Variants in GPAT4 observed in about 807,000 individuals in gnomAD.
The protein encoded by GPAT4 is 1-AGP acyltransferase 6.
A neutral mutation model predicts 58.0 loss-of-function variants in GPAT4; 17 were observed. The ratio of observed to expected loss-of-function variants is 0.29; its 90% CI spans 0.20 to 0.44. The LOEUF is 0.44. GPAT4 is among the 20% of genes least tolerant of loss of function. GPAT4 has a pLI of 1.00. For missense variants in GPAT4, 377 were observed against 574.5 expected (o/e 0.66, Z 3.51); for synonymous variants, 204 against 210.1 (o/e 0.97, Z 0.25).
chr8:41,610,611 C>T (rs1803413218), intron 4 of GPAT4, 125 bp from the exon 5 acceptor site: 2 of 1,542,126 alleles, frequency 1.3e-6, no homozygotes, highest in Non-Finnish European at 8.7e-7. Flanking sequence ...GAACTCTGGT[C>T]CAGGTCCCAG....
intron 9 of GPAT4, 70 bp from the exon 10 acceptor site, chr8:41,614,892 CT>C: frequency 7.7e-7 from 1 of 1,306,682 alleles, no homozygotes; most frequent in South Asian, 1.2e-5. Flanking sequence ...TATACTTAGT[CT>C]TTAAGAAACG....
At chr8:41,611,369 T>C (rs545218136) in intron 5 of GPAT4, among the ~76,000 whole-genome samples, 1 of 152,354 alleles carries the variant, frequency 6.6e-6, no homozygotes, top group South Asian at 2.1e-4. Flanking sequence ...GCCACAGACA[T>C]GTAGAGTCCG....
intron 1 of GPAT4, among the ~76,000 whole-genome samples, chr8:41,594,618 T>C (rs1802874146): frequency 1.3e-5 from 2 of 148,796 alleles, no homozygotes; most frequent in Non-Finnish European, 3.0e-5. Context: ...CGATCTCGGC[T>C]CACTGCAAGC....
intron 1 of GPAT4, among the ~76,000 whole-genome samples, chr8:41,583,341 A>G (rs76578121): frequency 0.013 from 1,901 of 152,040 alleles, 23 homozygotes; most frequent in Non-Finnish European, 0.02. Context: ...TCCATTAACC[A>G]AGCTCTCAAC....
At chr8:41,610,584 T>C (rs1310697938) in intron 4 of GPAT4, 152 bp from the exon 5 acceptor site, 2 of 1,527,516 alleles carry the variant, frequency 1.3e-6, no homozygotes, top group Admixed American at 4.0e-5. Context: ...CTGATAGGCC[T>C]GCTTACATTT....
intron 1 of GPAT4, among the ~76,000 whole-genome samples, chr8:41,584,528 A>G (rs1342494125): frequency 1.3e-5 from 2 of 152,366 alleles, no homozygotes; most frequent in East Asian, 3.9e-4. Context: ...GGTTCTCAGT[A>G]TAATTATGCT....
intron 4 of GPAT4, 23 bp downstream of exon 4, chr8:41,609,978 G>A (rs1290953225): frequency 3.2e-6 from 5 of 1,571,010 alleles, no homozygotes; most frequent in African/African-American, 1.4e-5. Flanking sequence ...CTGCGGGAGT[G>A]GGGCTCGCTG....
chr8:41,621,544 T>C lies in GPAT4; in HGVS notation c.*543T>C. On this transcript the variant is annotated 3_prime_UTR_variant, in exon 13 of 13. Coordinates refer to ENST00000396987, the MANE Select transcript of GPAT4 (RefSeq NM_178819.4). ...CAGGGGCTTTCAGCAAAATGAAGGG[T>C]TAGATTTTTATGCTGCTGCTGATGG... 6.5e-6 allele frequency: 1 copy of C among 153,654 alleles called. No homozygotes were observed. The highest frequency in any genetic ancestry group is 1.9e-4 in the East Asian group (1 of 5,196). 9.5% of individuals were successfully genotyped at this position (153,654 alleles called of 1,614,324 possible).
chr8:41,613,172 G>A (rs57066660), intron 8 of GPAT4, among the ~76,000 whole-genome samples: 67,482 of 151,804 alleles, frequency 0.44, 15,167 homozygotes, highest in Middle Eastern at 0.53. Context: ...CGAGGTGGGC[G>A]GATCACTTGA....
Position 41,599,115 on chromosome 8 carries a change from G to C in GPAT4, c.-25G>C, listed in dbSNP as rs372797523. ...GCAATTTGTTCTTAGGGAGGCAGGT[G>C]CTGGCCTGGCCTGGATCTTCCACCA... On this transcript the variant is annotated 5_prime_UTR_variant, in exon 2 of 13. Transcript: ENST00000396987. The C allele has an allele frequency of 6.3e-7, 1 of 1,596,760 alleles. No homozygotes were observed. Among genetic ancestry groups the C allele is most frequent in the Non-Finnish European group, 8.5e-7 (1 of 1,173,948 alleles).
chr8:41,586,208 A>G (rs1309231857), intron 1 of GPAT4, among the ~76,000 whole-genome samples: 1 of 152,172 alleles, frequency 6.6e-6, no homozygotes. Flanking sequence ...TTCACTTAGT[A>G]TGATGTTTTG....
intron 1 of GPAT4, among the ~76,000 whole-genome samples, chr8:41,592,496 G>A (rs1802815350): frequency 6.6e-6 from 1 of 152,102 alleles, no homozygotes; most frequent in South Asian, 2.1e-4. Context: ...CAAAAATTGA[G>A]GCTTTTAGGA....
intron 1 of GPAT4, among the ~76,000 whole-genome samples, chr8:41,581,933 G>A (rs547128273): frequency 1.5e-4 from 21 of 136,284 alleles, no homozygotes; most frequent in East Asian, 4.4e-4. Flanking sequence ...GCACCCGGCC[G>A]ACTTGTTTGA....
intron 4 of GPAT4, chr8:41,610,391 A>G: frequency 8.1e-7 from 1 of 1,234,316 alleles, no homozygotes; most frequent in Non-Finnish European, 1.0e-6. Context: ...TTCAGAGGGA[A>G]GCTGTGCTTC....
chr8:41,620,614 T>C (rs1803720718), intron 12 of GPAT4, among the ~76,000 whole-genome samples: 2 of 152,216 alleles, frequency 1.3e-5, no homozygotes, highest in Admixed American at 1.3e-4. Context: ...GTAGAAAGAA[T>C]TGTAAACTCC....
intron 1 of GPAT4, among the ~76,000 whole-genome samples, chr8:41,587,900 G>A (rs998046050): frequency 6.6e-5 from 10 of 152,316 alleles, no homozygotes; most frequent in Non-Finnish European, 8.8e-5. Flanking sequence ...ATTTGAGGAT[G>A]TTTTTCCATT....
rs1585659915 is a variant in GPAT4, at chr8:41,598,894, A to G, written c.-246A>G. ...ACTGAAGACCCATCTAGCTTCAATCATCTTTAGAGTCCATCCATTCTGGAG... is the reference window on the plus strand; with the variant it reads ...ACTGAAGACCCATCTAGCTTCAATCGTCTTTAGAGTCCATCCATTCTGGAG... On this transcript the variant is annotated 5_prime_UTR_variant, in exon 2 of 13. Coordinates refer to ENST00000396987, the MANE Select transcript of GPAT4 (RefSeq NM_178819.4). The G allele has an allele frequency of 1.9e-5, 9 of 473,366 alleles. 1 individual carries two copies. Among genetic ancestry groups the G allele is most frequent in the Admixed American group, 8.3e-5 (2 of 24,016 alleles). 29.3% of individuals were successfully genotyped at this position (473,366 alleles called of 1,614,324 possible).
intron 1 of GPAT4, among the ~76,000 whole-genome samples, chr8:41,595,682 C>G (rs1391839486): frequency 6.6e-6 from 1 of 151,948 alleles, no homozygotes; most frequent in Non-Finnish European, 1.5e-5. Context: ...TTCTTAACTA[C>G]TTGTATATCT....
chr8:41,610,493 G>T, intron 4 of GPAT4: 1 of 1,363,626 alleles, frequency 7.3e-7, no homozygotes, highest in Non-Finnish European at 9.5e-7. Context: ...CCTTCCAGCT[G>T]CCTGAGGCCT....
Sources: gnomAD v4.1 joint callset for allele counts (sites outside exome capture counted in the v4.1 genomes callset) on GRCh38, gnomAD v4.1.1 for gene constraint, MANE v1.5 for transcripts, NCBI Gene and HGNC (gene_info 2026-07-23, HGNC 2026-07-21) for gene names.